TENM3: variants seen among roughly 807,000 people sequenced by gnomAD.
TENM3 encodes the protein teneurin transmembrane protein 3.
TENM3 carries 63 observed loss-of-function variants against 255.1 expected under a neutral mutation model. The observed-to-expected ratio is 0.25, with a 90% CI of 0.20 to 0.30. TENM3 has a LOEUF of 0.30. TENM3 is among the 10% of genes least tolerant of loss of function. The pLI, the probability that TENM3 is intolerant of heterozygous loss-of-function variation, is 1.00. For missense variants in TENM3, 2,929 were observed against 3,461.1 expected (o/e 0.85, Z 3.86); for synonymous variants, 1,306 against 1,322.3 (o/e 0.99, Z 0.27).
At chr4:182,035,533 C>T in the TENM3 span, among the ~76,000 whole-genome samples, 97 of 152,286 alleles carry the variant, frequency 6.4e-4, no homozygotes, top group Middle Eastern at 3.4e-3. Flanking sequence ...ATTAACAAAA[C>T]TCTAAAAATT....
chr4:181,997,294 G>A, the TENM3 span, among the ~76,000 whole-genome samples: 12 of 152,156 alleles, frequency 7.9e-5, no homozygotes, highest in Non-Finnish European at 1.8e-4. Flanking sequence ...TCGGTCCTCA[G>A]TACGTAAGCC....
At chr4:181,875,071 G>T in the TENM3 span, among the ~76,000 whole-genome samples, 3 of 152,120 alleles carry the variant, frequency 2.0e-5, no homozygotes, top group South Asian at 6.2e-4. Context: ...ATGTTTTTTA[G>T]TGATAGACAA....
intron 1 of TENM3, among the ~76,000 whole-genome samples, chr4:182,179,594 T>C (rs1393191941): frequency 6.6e-6 from 1 of 152,166 alleles, no homozygotes; most frequent in African/African-American, 2.4e-5. Context: ...TAGACTATGG[T>C]AGTTTATAGA....
At chr4:181,654,958 G>A in the TENM3 span, among the ~76,000 whole-genome samples, 1 of 152,146 alleles carries the variant, frequency 6.6e-6, no homozygotes, top group Admixed American at 6.5e-5. Context: ...CATAAAGTGA[G>A]ACCAGGTTTA....
chr4:181,635,317 A>G, the TENM3 span, among the ~76,000 whole-genome samples: 3 of 152,244 alleles, frequency 2.0e-5, no homozygotes, highest in African/African-American at 7.2e-5. Flanking sequence ...CAGTGAAAAT[A>G]AACACTGATG....
At chr4:182,481,245 T>C (rs11722787) in intron 3 of TENM3, among the ~76,000 whole-genome samples, 32,013 of 152,068 alleles carry the variant, frequency 0.21, 3,712 homozygotes, top group Non-Finnish European at 0.26. Context: ...AACAAGGAGT[T>C]AAAGAGAAAG....
intron 3 of TENM3, chr4:182,448,909 A>C: frequency 3.0e-6 from 1 of 335,484 alleles, no homozygotes; most frequent in Admixed American, 3.3e-5. Context: ...TAAGCGGCGC[A>C]CCGCCCCCTC....
chr4:182,242,864 T>C (rs1266181511), upstream of TENM3, among the ~76,000 whole-genome samples: 1 of 152,196 alleles, frequency 6.6e-6, no homozygotes, highest in African/African-American at 2.4e-5. Context: ...GTAGCCTGTA[T>C]GTGGGTAGTG....
At chr4:182,124,010 T>G in the TENM3 span, among the ~76,000 whole-genome samples, 19 of 151,858 alleles carry the variant, frequency 1.3e-4, no homozygotes, top group African/African-American at 4.6e-4. Context: ...AGTTCAGGAG[T>G]TTTTATTTGA....
the TENM3 span, among the ~76,000 whole-genome samples, chr4:182,046,504 G>A: frequency 1.3e-5 from 2 of 151,544 alleles, no homozygotes; most frequent in Non-Finnish European, 2.9e-5. Flanking sequence ...AGGAGTCTGA[G>A]ACCAGCCTGG....
chr4:181,578,710 G>A, the TENM3 span, among the ~76,000 whole-genome samples: 2 of 152,272 alleles, frequency 1.3e-5, no homozygotes, highest in East Asian at 1.9e-4. Flanking sequence ...TCCCTTGGCT[G>A]CAGATGGCCA....
intron 1 of TENM3, among the ~76,000 whole-genome samples, chr4:182,236,658 A>T (rs1042065742): frequency 1.3e-5 from 2 of 152,236 alleles, no homozygotes; most frequent in Non-Finnish European, 2.9e-5. Flanking sequence ...TTACTCTGGT[A>T]TGTGAATTAA....
chr4:182,149,004 G>A (rs1249644420), intron 1 of TENM3, among the ~76,000 whole-genome samples: 1 of 151,676 alleles, frequency 6.6e-6, no homozygotes, highest in African/African-American at 2.4e-5. Flanking sequence ...ATATATCAAC[G>A]TATATCCGTA....
At chr4:181,888,514 A>ATATATATATGTATATATATATATG in the TENM3 span, among the ~76,000 whole-genome samples, 1 of 27,654 alleles carries the variant, frequency 3.6e-5, no homozygotes, top group African/African-American at 1.5e-4. Flanking sequence ...ATATATATAT[A>ATATATATATGTATATATATATATG]TGTATATATA....
intron 2 of TENM3, among the ~76,000 whole-genome samples, chr4:182,335,067 A>G (rs1157913411): frequency 2.6e-5 from 4 of 151,936 alleles, no homozygotes; most frequent in African/African-American, 9.7e-5. Flanking sequence ...CTGTGCTTTC[A>G]TATTCCTGTT....
In TENM3 at chr4:182,615,069, A is replaced by ATT. The variant is rs35326593; in HGVS notation, c.750-13573_750-13572dup. Among the ~76,000 whole-genome samples, 1,204 of 130,338 alleles carry ATT rather than the reference A, an allele frequency of 9.2e-3. 18 individuals carry two copies. The highest frequency in any genetic ancestry group is 0.038 in the Admixed American group (450 of 11,926). The allele number at this position is 130,338 out of a possible 152,430, so 85.5% of individuals were successfully genotyped here. On this transcript the variant is annotated intron_variant, in intron 4 of 27. Transcript: ENST00000511685. Reference sequence around the variant, plus strand: ...TACATATATATATATATATATATGTATTTTTTTTTTCTTCTCCAAATAGCA... The same window carrying ATT: ...TACATATATATATATATATATATGTATTTTTTTTTTTTCTTCTCCAAATAGCA...
chr4:181,973,707 G>A, the TENM3 span, among the ~76,000 whole-genome samples: 242 of 152,308 alleles, frequency 1.6e-3, no homozygotes, highest in Middle Eastern at 3.4e-3. Context: ...GCTGAACTGA[G>A]CCATGACTGT....
chr4:182,324,083 G>A lies in TENM3; in HGVS notation c.63G>A (p.Arg21=). Reference sequence around the variant, plus strand: ...CCAAGAGCAGACGAGAGAAGGAACGGCGCTACACAAATTCCTCCGCAGACA... The same window carrying A: ...CCAAGAGCAGACGAGAGAAGGAACGACGCTACACAAATTCCTCCGCAGACA... ...SLTKSRREKE[R]RYTNSSADNE... is the part of the protein sequence containing the mutation. Residue 21 remains arginine, a synonymous_variant, in exon 2 of 28, where the codon CGG becomes CGA. Coordinates refer to ENST00000511685, the MANE Select transcript of TENM3 (RefSeq NM_001080477.4). The A allele has an allele frequency of 6.2e-7, 1 of 1,613,986 alleles. No homozygotes were observed. The highest frequency in any genetic ancestry group is 8.5e-7 in the Non-Finnish European group (1 of 1,179,888).
intron 4 of TENM3, among the ~76,000 whole-genome samples, chr4:182,605,498 A>G (rs536463404): frequency 6.6e-6 from 1 of 151,982 alleles, no homozygotes; most frequent in South Asian, 2.1e-4. Context: ...AAAAAAAAAA[A>G]AAAGGGAAAG....
Sources: gnomAD v4.1 joint callset for allele counts (sites outside exome capture counted in the v4.1 genomes callset) on GRCh38, gnomAD v4.1.1 for gene constraint, MANE v1.5 for transcripts, NCBI Gene and HGNC (gene_info 2026-07-23, HGNC 2026-07-21) for gene names.